Variants in EYA1 observed in about 807,000 individuals in gnomAD.
EYA1 encodes EYA transcriptional coactivator and phosphatase 1, also known as protein phosphatase EYA1.
In EYA1, 16 loss-of-function variants were observed where a neutral mutation model predicts 82.0. That is an observed-to-expected ratio of 0.20 (90% CI 0.13 to 0.30). The LOEUF (loss-of-function observed/expected upper bound fraction) is 0.30, where lower values mean the gene tolerates loss of function less well. Ranked by LOEUF, EYA1 falls within the 10% of genes least tolerant of loss-of-function variation. The probability of loss-of-function intolerance (pLI) is 1.00; values close to 1 mark genes in which losing one functional copy is unlikely to be tolerated. For synonymous variants in EYA1, 261 were observed against 264.4 expected (o/e 0.99, Z 0.12); for missense variants, 633 against 730.7 (o/e 0.87, Z 1.54).
At chr8:71,305,997 T>C (rs1820699949) in intron 7 of EYA1, among the ~76,000 whole-genome samples, 1 of 152,152 alleles carries the variant, frequency 6.6e-6, no homozygotes, top group Admixed American at 6.5e-5. Flanking sequence ...CATGAACCTA[T>C]CCCTCGAAGA....
chr8:71,232,353 G>T (rs542063155), intron 12 of EYA1, among the ~76,000 whole-genome samples: 1 of 152,224 alleles, frequency 6.6e-6, no homozygotes, highest in Non-Finnish European at 1.5e-5. Context: ...ACCCAGCCAG[G>T]CTCCGCTGCA....
At chr8:71,457,863 C>A (rs976358932) in intron 2 of EYA1, among the ~76,000 whole-genome samples, 1 of 152,076 alleles carries the variant, frequency 6.6e-6, no homozygotes, top group Non-Finnish European at 1.5e-5. Flanking sequence ...TGCACATGTA[C>A]CCTAGAACTT....
chr8:71,539,151 C>G (rs953891906), intron 1 of EYA1, among the ~76,000 whole-genome samples: 1 of 151,980 alleles, frequency 6.6e-6, no homozygotes, highest in African/African-American at 2.4e-5. Flanking sequence ...TCTGGGTTAG[C>G]TATTCACCCT....
intron 12 of EYA1, among the ~76,000 whole-genome samples, chr8:71,233,881 CAT>C (rs1240240213): frequency 3.9e-5 from 6 of 152,132 alleles, no homozygotes; most frequent in African/African-American, 1.2e-4. Flanking sequence ...TTAAAGAAAA[CAT>C]ATGAGAGCCT....
intron 2 of EYA1, among the ~76,000 whole-genome samples, chr8:71,530,544 A>G (rs1275029134): frequency 6.6e-6 from 1 of 152,244 alleles, no homozygotes; most frequent in Non-Finnish European, 1.5e-5. Context: ...TTTCACTTAC[A>G]TAAAATATCT....
intron 2 of EYA1, among the ~76,000 whole-genome samples, chr8:71,503,463 A>T (rs1811964270): frequency 6.7e-6 from 1 of 150,212 alleles, no homozygotes; most frequent in Admixed American, 6.6e-5. Flanking sequence ...ACAGAGTAAG[A>T]CTCCATCTCA....
intron 2 of EYA1, among the ~76,000 whole-genome samples, chr8:71,453,288 G>A (rs888080869): frequency 3.3e-5 from 5 of 152,270 alleles, no homozygotes; most frequent in Admixed American, 6.5e-5. Flanking sequence ...CCAACTCTAC[G>A]TCTAATTGGT....
At chr8:71,211,014 A>T in intron 17 of EYA1, 142 bp downstream of exon 17, 1 of 699,174 alleles carries the variant, frequency 1.4e-6, no homozygotes, top group Admixed American at 2.0e-5. Context: ...ATTGAATTCT[A>T]CTTTACCCTG....
At chr8:71,274,490 C>G (rs539012814) in intron 9 of EYA1, among the ~76,000 whole-genome samples, 67 of 152,270 alleles carry the variant, frequency 4.4e-4, no homozygotes, top group African/African-American at 1.6e-3. Context: ...CACTGAGATA[C>G]TGGATGTGAA....
chr8:71,237,321 C>G (rs1471877160), intron 12 of EYA1, among the ~76,000 whole-genome samples: 1 of 152,078 alleles, frequency 6.6e-6, no homozygotes, highest in Non-Finnish European at 1.5e-5. Flanking sequence ...AAGTGAAATC[C>G]AACATTTTTC....
At chr8:71,221,380 AG>A in intron 12 of EYA1, among the ~76,000 whole-genome samples, 1 of 152,234 alleles carries the variant, frequency 6.6e-6, no homozygotes, top group Middle Eastern at 3.4e-3. Flanking sequence ...CAGAGAGGTG[AG>A]GGGAAGCCTT....
intron 2 of EYA1, among the ~76,000 whole-genome samples, chr8:71,433,957 T>C (rs973692594): frequency 1.1e-4 from 17 of 152,194 alleles, no homozygotes; most frequent in Admixed American, 1.1e-3. Context: ...AGTAGCTCAA[T>C]TGAAGAAAGA....
rs537472578 is a variant in EYA1 at position 71,237,134 on chromosome 8, C to T, written c.1140+7469G>A. Among the ~76,000 whole-genome samples, 42 of 152,028 alleles carry T rather than the reference C, an allele frequency of 2.8e-4. No homozygotes were observed. In the East Asian group the frequency reaches 7.2e-3, roughly 26 times the overall value. ...TGGCATGATCTCGGCTTACTGCAACCTCCGCCTCCCGGGTTCAAGGGATTC... is the reference window on the plus strand; with the variant it reads ...TGGCATGATCTCGGCTTACTGCAACTTCCGCCTCCCGGGTTCAAGGGATTC... On this transcript the variant is annotated intron_variant, in intron 12 of 17. Coordinates refer to ENST00000340726, the MANE Select transcript of EYA1 (RefSeq NM_000503.6).
chr8:71,334,198 C>T (rs778678062), intron 3 of EYA1, 24 bp from the exon 4 acceptor site: 9 of 1,516,682 alleles, frequency 5.9e-6, no homozygotes, highest in African/African-American at 1.4e-5. Flanking sequence ...CAACATACAT[C>T]GATATTGAAT....
intron 1 of EYA1, among the ~76,000 whole-genome samples, chr8:71,543,739 CAT>C (rs1164564477): frequency 6.6e-6 from 1 of 152,162 alleles, no homozygotes; most frequent in East Asian, 1.9e-4. Flanking sequence ...GGCTGAAAAA[CAT>C]ATCCTTGCTT....
At chr8:71,279,091 T>A (rs891899115) in intron 9 of EYA1, among the ~76,000 whole-genome samples, 8 of 152,222 alleles carry the variant, frequency 5.3e-5, no homozygotes, top group African/African-American at 1.9e-4. Context: ...TAAGACAATA[T>A]AGCTTACAAC....
chr8:71,282,928 AC>A (rs1193929560), intron 9 of EYA1, among the ~76,000 whole-genome samples: 2 of 145,030 alleles, frequency 1.4e-5, no homozygotes, highest in African/African-American at 5.0e-5. Context: ...GATCTCTTCA[AC>A]ACCACCTTGT....
At chr8:71,233,265 T>C (rs1055242582) in intron 12 of EYA1, among the ~76,000 whole-genome samples, 3 of 152,248 alleles carry the variant, frequency 2.0e-5, no homozygotes, top group African/African-American at 4.8e-5. Flanking sequence ...ATTTTAAATA[T>C]AGAAAGCCTT....
chr8:71,449,554 T>A (rs748239788), intron 2 of EYA1, among the ~76,000 whole-genome samples: 25 of 152,238 alleles, frequency 1.6e-4, no homozygotes, highest in Non-Finnish European at 2.9e-4. Context: ...TGTTTTATCA[T>A]CTAGGCTTTA....
Sources: gnomAD v4.1 joint callset for allele counts (sites outside exome capture counted in the v4.1 genomes callset) on GRCh38, gnomAD v4.1.1 for gene constraint, MANE v1.5 for transcripts, NCBI Gene and HGNC (gene_info 2026-07-23, HGNC 2026-07-21) for gene names.